Variants in SH3BP1 observed in about 807,000 individuals in gnomAD.
SH3BP1 encodes the protein SH3 domain binding protein 1, also known as SH3 domain-binding protein 1.
SH3BP1 carries 46 observed loss-of-function variants against 69.8 expected under a neutral mutation model. The observed-to-expected ratio is 0.66, with a 90% CI of 0.52 to 0.84. The LOEUF is 0.84. Among genes scored for constraint, SH3BP1 ranks in the 40% least tolerant of loss-of-function variants. The pLI is 0.00. For missense variants in SH3BP1, 868 were observed against 930.9 expected (o/e 0.93, Z 0.88); for synonymous variants, 403 against 378.0 (o/e 1.07, Z -0.77).
In SH3BP1 at chr22:37,647,501, C is replaced by T. The variant is rs779445869; in HGVS notation, c.1179C>T (p.Pro393=). 1.4e-5 allele frequency: 23 copies of T among 1,605,244 alleles called. No individual in the cohort carries two copies. Among genetic ancestry groups the T allele is most frequent in the South Asian group, 6.6e-5 (6 of 90,942 alleles). The change falls in exon 13 of 18, where the codon CCC becomes CCT. Residue 393 remains proline (P), a synonymous_variant. Coordinates refer to ENST00000649765, the MANE Select transcript of SH3BP1 (RefSeq NM_018957.6). ...AAGAGGTGTGCAGCCGCCTACCCCC[C>T]GAGAACCTCAGCAACCTCAGGTGAG... ...ALQEVCSRLP[P]ENLSNLRYLM...
At chr22:37,640,902 C>T (rs955881259) in intron 1 of SH3BP1, 8 of 587,530 alleles carry the variant, frequency 1.4e-5, no homozygotes, top group African/African-American at 5.6e-5. Flanking sequence ...AGGACACAGC[C>T]CTGGGTGGAG....
intron 7 of SH3BP1, among the ~76,000 whole-genome samples, 200 bp downstream of exon 7, chr22:37,643,988 G>T (rs967342371): frequency 2.6e-5 from 4 of 152,244 alleles, no homozygotes; most frequent in African/African-American, 9.7e-5. Context: ...GCAGAGACTT[G>T]GTCTGTTCCC....
rs748888714 is a variant in SH3BP1, at chr22:37,646,804, CCT to C, written c.925-10_925-9del. The C allele has an allele frequency of 2.5e-5, 38 of 1,493,310 alleles. No individual in the cohort carries two copies. The highest frequency in any genetic ancestry group is 3.2e-5 in the Non-Finnish European group (36 of 1,121,086). The allele number at this position is 1,493,310 out of a possible 1,614,324, so 92.5% of individuals were successfully genotyped here. ...ACCCCTCTGTGACCCTTGCCTGCCT[CCT>C]CTCGAACCCAGGGTCTCTTCCGTCT... is the stretch of plus-strand genomic sequence containing the variant. On this transcript the variant is annotated splice_polypyrimidine_tract_variant and intron_variant, in intron 10 of 17. Coordinates refer to ENST00000649765, the MANE Select transcript of SH3BP1 (RefSeq NM_018957.6).
chr22:37,648,450 G>C lies in SH3BP1; in HGVS notation c.1316+15G>C. On this transcript the variant is annotated intron_variant, in intron 14 of 17. Transcript: ENST00000649765. The stretch of plus-strand genomic sequence containing the variant: ...GAGAAAGAAGGGTGAGGGGCCGCGG[G>C]CTGGGGGAGGTGGCAGGAGGAAGGC... 6.6e-7 allele frequency: 1 copy of C among 1,514,202 alleles called. No individual in the cohort carries two copies. The highest frequency in any genetic ancestry group is 1.4e-5 in the African/African-American group (1 of 73,274). The allele number at this position is 1,514,202 out of a possible 1,614,324, so 93.8% of individuals were successfully genotyped here.
At chr22:37,645,697 C>T (rs1367609534) in intron 10 of SH3BP1, among the ~76,000 whole-genome samples, 187 bp downstream of exon 10, 1 of 152,168 alleles carries the variant, frequency 6.6e-6, no homozygotes, top group Non-Finnish European at 1.5e-5. Context: ...GTGGGCCAAG[C>T]GCTGTACTAG....
At chr22:37,640,780 G>T in intron 1 of SH3BP1, 1 of 347,694 alleles carries the variant, frequency 2.9e-6, no homozygotes, top group Non-Finnish European at 5.4e-6. Context: ...TCCTCATCCC[G>T]GGGTGGGCTG....
In SH3BP1 at chr22:37,643,015, G is replaced by A. The variant is rs760664386; in HGVS notation, c.396+9G>A. 1 of 1,612,078 alleles carries A rather than the reference G, an allele frequency of 6.2e-7. No individual in the cohort carries two copies. Among genetic ancestry groups the A allele is most frequent in the East Asian group, 2.2e-5 (1 of 44,850 alleles). On this transcript the variant is annotated intron_variant, in intron 5 of 17. Transcript: ENST00000649765. ...TCAGCAGGCTGAGTGAGGTGAGCCTGTGCCCTGCTTTCAGCCCCCAGCTTC... is the reference window on the plus strand; with the variant it reads ...TCAGCAGGCTGAGTGAGGTGAGCCTATGCCCTGCTTTCAGCCCCCAGCTTC...
intron 11 of SH3BP1, 76 bp downstream of exon 11, chr22:37,647,005 C>G: frequency 9.9e-7 from 1 of 1,007,458 alleles, no homozygotes; most frequent in Non-Finnish European, 1.4e-6. Flanking sequence ...CCCAAGATAG[C>G]CTGGCTTTAA....
Position 37,643,336 on chromosome 22 carries a change from G to A in SH3BP1, c.473+162G>A, listed in dbSNP as rs553170063. 58 of 705,890 alleles carry A rather than the reference G, an allele frequency of 8.2e-5. 1 individual carries two copies. Among genetic ancestry groups the A allele is most frequent in the Middle Eastern group, 6.7e-4 (2 of 2,968 alleles). The allele number at this position is 705,890 out of a possible 1,614,324, so 43.7% of individuals were successfully genotyped here. On this transcript the variant is annotated intron_variant, in intron 6 of 17. Coordinates refer to ENST00000649765, the MANE Select transcript of SH3BP1 (RefSeq NM_018957.6). ...GTCCCTAGGAGCACAGGTGGTTAGC[G>A]TATCTGTGAGGGTGTGCCCGCGTGT... is the stretch of plus-strand genomic sequence containing the variant.
At chr22:37,641,569 C>CT (rs1932600637) in intron 3 of SH3BP1, 91 bp downstream of exon 3, 2 of 1,093,402 alleles carry the variant, frequency 1.8e-6, no homozygotes, top group Non-Finnish European at 2.6e-6. Flanking sequence ...CCTTGCCAGT[C>CT]TGAGTGTCTG....
chr22:37,647,460 C>T lies in SH3BP1; in HGVS notation c.1138C>T (p.Arg380Trp), dbSNP rs1162875341. The change falls in exon 13 of 18, where the codon CGG becomes TGG. Residue 380 changes from arginine to tryptophan, a missense_variant. This residue lies in a region of SH3BP1 where 474 missense variants were observed against 462.3 expected (regional missense o/e 1.03). Transcript: ENST00000649765. The part of the protein sequence containing the change: ...RAASLKEPGA[R>W]LQALQEVCSR... ...CCCCAGCCTGAAGGAGCCAGGGGCCCGGCTGCAGGCCCTCCAAGAGGTGTG... is the reference window on the plus strand; with the variant it reads ...CCCCAGCCTGAAGGAGCCAGGGGCCTGGCTGCAGGCCCTCCAAGAGGTGTG... 2.5e-6 allele frequency: 4 copies of T among 1,611,212 alleles called. No homozygotes were observed. Among genetic ancestry groups the T allele is most frequent in the Non-Finnish European group, 3.4e-6 (4 of 1,179,514 alleles).
At chr22:37,650,127 G>A in intron 14 of SH3BP1, 25 bp from the exon 15 acceptor site, 6 of 1,613,694 alleles carry the variant, frequency 3.7e-6, no homozygotes, top group Non-Finnish European at 4.2e-6. Context: ...ACCCTTTGCT[G>A]AGCAGATGCA....
intron 14 of SH3BP1, chr22:37,648,679 T>G: frequency 7.8e-6 from 3 of 382,710 alleles, no homozygotes; most frequent in Non-Finnish European, 9.4e-6. Context: ...ATGGGGGAGC[T>G]GGGAGCCCAG....
Position 37,655,458 on chromosome 22 carries a change from C to T in SH3BP1, c.1880C>T (p.Pro627Leu), listed in dbSNP as rs776118806. The T allele has an allele frequency of 6.0e-6, 8 of 1,336,802 alleles. No homozygotes were observed. The East Asian group carries it at 8.0e-5, about 13-fold the overall frequency. The allele number at this position is 1,336,802 out of a possible 1,614,324, so 82.8% of individuals were successfully genotyped here. The change falls in exon 18 of 18, where the codon CCC becomes CTC. Residue 627 changes from proline to leucine, a missense_variant. Around this residue, in one of 3 missense-constraint regions of SH3BP1, gnomAD observed 474 missense variants for 462.3 expected, o/e 1.03. Coordinates refer to ENST00000649765, the MANE Select transcript of SH3BP1 (RefSeq NM_018957.6). ...GTGCCACCCCCGTTACCCCCCACACCCCCTCAGCCTGCCCGGCGCCAAAGC... is the reference window on the plus strand; with the variant it reads ...GTGCCACCCCCGTTACCCCCCACACTCCCTCAGCCTGCCCGGCGCCAAAGC... Reference protein sequence around the residue: ...PTVPPPLPPTPPQPARRQSRR... With the variant: ...PTVPPPLPPTLPQPARRQSRR...
rs1040934535 is a variant in SH3BP1, at chr22:37,653,868, G to C, written c.1688G>C (p.Arg563Pro). The change falls in exon 17 of 18, where the codon CGG becomes CCG. Residue 563 changes from arginine (R) to proline (P), a missense_variant. Coordinates refer to ENST00000649765, the MANE Select transcript of SH3BP1 (RefSeq NM_018957.6). ...GCTGCCCCAGTGGAGGACATGGCTC[G>C]GAGGAGTGAGTTGGCTGTGGGAGGG... ...ETAAPVEDMA[R>P]RTKRPAPARP... 5 of 1,610,836 alleles carry C rather than the reference G, an allele frequency of 3.1e-6. No homozygotes were observed. The highest frequency in any genetic ancestry group is 4.2e-6 in the Non-Finnish European group (5 of 1,177,638).
intron 1 of SH3BP1, 32 bp downstream of exon 1, chr22:37,639,878 AC>A (rs1188216153): frequency 7.5e-7 from 1 of 1,333,300 alleles, no homozygotes. Context: ...CCCCACTCTT[AC>A]CCCGGCAGGA....
At chr22:37,642,355 G>A (rs1300297865) in intron 3 of SH3BP1, 184 bp from the exon 4 acceptor site, 2 of 600,590 alleles carry the variant, frequency 3.3e-6, no homozygotes, top group African/African-American at 3.7e-5. Flanking sequence ...CAGATGGAGA[G>A]GGGCTCCATC....
chr22:37,642,696 C>T (rs763257809), intron 4 of SH3BP1, 81 bp downstream of exon 4: 1 of 1,609,818 alleles, frequency 6.2e-7, no homozygotes, highest in Non-Finnish European at 8.5e-7. Flanking sequence ...GTGGTGAGGG[C>T]ATCCACATCA....
chr22:37,646,252 T>G (rs2146056020), intron 10 of SH3BP1, among the ~76,000 whole-genome samples: 1 of 149,716 alleles, frequency 6.7e-6, no homozygotes, highest in East Asian at 2.0e-4. Context: ...CATGAGCCAC[T>G]GCGCCCGACC....
Sources: gnomAD v4.1 joint callset for allele counts (sites outside exome capture counted in the v4.1 genomes callset) on GRCh38, gnomAD v4.1.1 for gene constraint, gnomAD v4.1.1 regional missense constraint, MANE v1.5 for transcripts, NCBI Gene and HGNC (gene_info 2026-07-23, HGNC 2026-07-21) for gene names.